FAT3: variants seen among roughly 807,000 people sequenced by gnomAD.
FAT3 encodes protocadherin Fat 3.
A neutral mutation model predicts 310.2 loss-of-function variants in FAT3; 95 were observed. The observed-to-expected ratio is 0.31, with a 90% CI of 0.26 to 0.36. The LOEUF (loss-of-function observed/expected upper bound fraction) is 0.36. FAT3 is among the 10% of genes least tolerant of loss of function. The probability of loss-of-function intolerance (pLI) is 1.00; values close to 1 mark genes in which losing one functional copy is unlikely to be tolerated. For synonymous variants in FAT3, 2,314 were observed against 2,192.9 expected, an observed-to-expected ratio of 1.06 and a Z score of -1.54; for missense variants, 5,408 against 5,715.6, an observed-to-expected ratio of 0.95 and a Z score of 1.74.
At chr11:92,756,203 C>A (rs1330927722) in intron 4 of FAT3, among the ~76,000 whole-genome samples, 1 of 152,170 alleles carries the variant, frequency 6.6e-6, no homozygotes, top group Admixed American at 6.5e-5. Context: ...GCAGATAATA[C>A]CAAACCCTAT....
intron 3 of FAT3, among the ~76,000 whole-genome samples, chr11:92,661,529 C>T (rs544175899): frequency 4.0e-5 from 6 of 151,808 alleles, no homozygotes; most frequent in East Asian, 1.9e-4. Flanking sequence ...TGAGGTGTAA[C>T]GGATGGGCAT....
chr11:92,767,719 G>A (rs1322791590), intron 6 of FAT3, among the ~76,000 whole-genome samples: 1 of 152,126 alleles, frequency 6.6e-6, no homozygotes, highest in Non-Finnish European at 1.5e-5. Flanking sequence ...GAGTGCTGCT[G>A]TATGTTTTCA....
At chr11:92,520,055 T>C (rs1320186521) in intron 2 of FAT3, among the ~76,000 whole-genome samples, 2 of 152,148 alleles carry the variant, frequency 1.3e-5, no homozygotes, top group Non-Finnish European at 2.9e-5. Context: ...AGCAGCTTTA[T>C]TTGTAATGGT....
intron 3 of FAT3, among the ~76,000 whole-genome samples, chr11:92,649,470 T>C (rs1176403192): frequency 1.3e-5 from 2 of 152,172 alleles, no homozygotes; most frequent in African/African-American, 2.4e-5. Context: ...AATTGGTTAT[T>C]TTCTTCCTTC....
chr11:92,509,795 G>GA (rs1173537354), intron 2 of FAT3, among the ~76,000 whole-genome samples: 1 of 152,108 alleles, frequency 6.6e-6, no homozygotes, highest in Non-Finnish European at 1.5e-5. Flanking sequence ...GCTTTGGGGT[G>GA]AAAATAATAT....
At position 92,655,416 on chromosome 11, in the gene FAT3, G is replaced by C. The variant is rs6483184; in HGVS notation, c.3608-41968G>C. ...TCAGGAATACTGGACCTATCACTTT[G>C]GGACCATGGACAAATCACTTAATTC... On this transcript the variant is annotated intron_variant, in intron 3 of 27. Coordinates refer to ENST00000525166, the MANE Select transcript of FAT3 (RefSeq NM_001367949.2). Among the ~76,000 whole-genome samples the C allele has an allele frequency of 4.6e-3, 703 of 152,238 alleles. 4 individuals carry two copies. The highest frequency in any genetic ancestry group is 0.016 in the African/African-American group (670 of 41,544).
intron 1 of FAT3, among the ~76,000 whole-genome samples, chr11:92,283,809 T>C (rs1162530369): frequency 1.3e-5 from 2 of 152,240 alleles, no homozygotes; most frequent in East Asian, 3.9e-4. Context: ...GTTTATTGTG[T>C]TAGTGCACCT....
Position 92,836,671 on chromosome 11 carries a change from G to C in FAT3, c.10192G>C (p.Val3398Leu). Reference protein sequence around the residue: ...EFTVDPVLGLVKVKKKLDRER... With the variant: ...EFTVDPVLGLLKVKKKLDRER... ...TACTGTAGATCCTGTCTTGGGACTT[G>C]TGAAAGTTAAGAAGAAATTGGACCG... Residue 3398 changes from valine to leucine, a missense_variant, in exon 16 of 28, where the codon GTG becomes CTG. Coordinates refer to ENST00000525166, the MANE Select transcript of FAT3 (RefSeq NM_001367949.2). 6.2e-7 allele frequency: 1 copy of C among 1,613,454 alleles called. No homozygotes were observed. Among genetic ancestry groups the C allele is most frequent in the South Asian group, 1.1e-5 (1 of 90,958 alleles).
intron 3 of FAT3, among the ~76,000 whole-genome samples, chr11:92,674,903 A>G (rs771188143): frequency 2.0e-5 from 3 of 152,204 alleles, no homozygotes; most frequent in Non-Finnish European, 4.4e-5. Context: ...AAGGAGCACG[A>G]TAAATGAGTT....
chr11:92,425,405 A>G (rs1000745002), intron 2 of FAT3, among the ~76,000 whole-genome samples: 7 of 151,874 alleles, frequency 4.6e-5, no homozygotes, highest in Non-Finnish European at 7.4e-5. Context: ...TTTAATTTTT[A>G]TACTTAAGTT....
chr11:92,825,522 G>A (rs931158324), intron 13 of FAT3, among the ~76,000 whole-genome samples: 1 of 152,100 alleles, frequency 6.6e-6, no homozygotes, highest in African/African-American at 2.4e-5. Context: ...GAGAACATTC[G>A]GAGAAGAGGG....
intron 4 of FAT3, among the ~76,000 whole-genome samples, chr11:92,720,457 C>T (rs909766601): frequency 2.0e-5 from 3 of 152,114 alleles, no homozygotes; most frequent in African/African-American, 4.8e-5. Context: ...CTACATAGTT[C>T]GTTTCTATAA....
chr11:92,831,490 C>A, intron 13 of FAT3, 132 bp from the exon 14 acceptor site: 2 of 721,898 alleles, frequency 2.8e-6, no homozygotes, highest in South Asian at 2.5e-5. Flanking sequence ...TTTTGTAGAG[C>A]CACAGCTGTC....
At chr11:92,390,492 C>T (rs1949724821) in intron 2 of FAT3, among the ~76,000 whole-genome samples, 1 of 152,106 alleles carries the variant, frequency 6.6e-6, no homozygotes, top group Non-Finnish European at 1.5e-5. Flanking sequence ...GGTTGCTCAC[C>T]ATCACTTACC....
chr11:92,659,886 T>C (rs148883395), intron 3 of FAT3, among the ~76,000 whole-genome samples: 12 of 152,234 alleles, frequency 7.9e-5, no homozygotes, highest in African/African-American at 2.6e-4. Context: ...GAATGTGTTG[T>C]TTTTACACAG....
At chr11:92,397,191 T>G (rs912039441) in intron 2 of FAT3, among the ~76,000 whole-genome samples, 3 of 152,124 alleles carry the variant, frequency 2.0e-5, no homozygotes, top group Non-Finnish European at 2.9e-5. Context: ...AAATCCTTTT[T>G]GGTTTGGTCT....
At chr11:92,709,790 A>T (rs1944466408) in intron 4 of FAT3, among the ~76,000 whole-genome samples, 1 of 152,176 alleles carries the variant, frequency 6.6e-6, no homozygotes, top group African/African-American at 2.4e-5. Context: ...AGAACAGGGA[A>T]GGGCTTTCTC....
At chr11:92,809,243 C>G (rs12271409) in intron 12 of FAT3, among the ~76,000 whole-genome samples, 2,041 of 152,294 alleles carry the variant, frequency 0.013, 50 homozygotes, top group African/African-American at 0.046. Context: ...TGACTCCTCC[C>G]CAAGCAATGT....
Position 92,896,261 on chromosome 11 carries a change from T to G in FAT3, c.*5148T>G, listed in dbSNP as rs1950030169. ...GTCCCTTAAGGAAATGGATTGTTCC[T>G]GCATATATTGCTGGTGGCAGTATTC... is the stretch of plus-strand genomic sequence containing the variant. On this transcript the variant is annotated 3_prime_UTR_variant, in exon 28 of 28. Coordinates refer to ENST00000525166, the MANE Select transcript of FAT3 (RefSeq NM_001367949.2). 1 of 150,964 alleles carries G rather than the reference T, an allele frequency of 6.6e-6. No homozygotes were observed. Among genetic ancestry groups the G allele is most frequent in the Non-Finnish European group, 1.5e-5 (1 of 67,896 alleles). The allele number at this position is 150,964 out of a possible 1,614,324, so 9.4% of individuals were successfully genotyped here. A position where few individuals can be genotyped will look rare whatever the true frequency, so the allele number is the denominator to read the frequency against.
Sources: allele counts gnomAD v4.1 joint callset (sites outside exome capture counted in the v4.1 genomes callset), GRCh38; gene constraint gnomAD v4.1.1; transcripts MANE v1.5; gene names NCBI Gene and HGNC (gene_info 2026-07-23, HGNC 2026-07-21).